The following LRRIQ1 variants were observed in gnomAD, a reference collection of about 807,000 sequenced individuals.
The protein encoded by LRRIQ1 is leucine-rich repeat- and IQ domain-containing protein 1.
Under a neutral mutation model 211.9 loss-of-function variants are expected in LRRIQ1, and 210 were observed. That is an observed-to-expected ratio of 0.99 (90% CI 0.89 to 1.11). LRRIQ1 has a LOEUF of 1.11. LRRIQ1 is among the 50% of genes most tolerant of loss of function. LRRIQ1 has a pLI of 0.00. For synonymous variants in LRRIQ1, 699 were observed against 650.1 expected, an observed-to-expected ratio of 1.08 and a Z score of -1.14; for missense variants, 2,136 against 1,939.5, an observed-to-expected ratio of 1.10 and a Z score of -1.90.
intron 24 of LRRIQ1, among the ~76,000 whole-genome samples, chr12:85,189,904 CTG>C (rs984132268): frequency 7.1e-6 from 1 of 141,518 alleles, no homozygotes; most frequent in African/African-American, 2.6e-5. Flanking sequence ...TATATTATAT[CTG>C]TAACTACAGT....
At chr12:85,212,828 A>G (rs569058380) in intron 24 of LRRIQ1, among the ~76,000 whole-genome samples, 384 of 150,370 alleles carry the variant, frequency 2.6e-3, no homozygotes, top group African/African-American at 9.0e-3. Flanking sequence ...AGAGAGAGAG[A>G]GGGTTCTAGG....
chr12:85,141,200 C>T (rs926630486), intron 19 of LRRIQ1, among the ~76,000 whole-genome samples: 1 of 151,186 alleles, frequency 6.6e-6, no homozygotes, highest in Non-Finnish European at 1.5e-5. Context: ...TGAAATGTTT[C>T]ATGTGAACAT....
At chr12:85,219,964 C>T (rs1422902914) in intron 24 of LRRIQ1, among the ~76,000 whole-genome samples, 1 of 152,086 alleles carries the variant, frequency 6.6e-6, no homozygotes, top group Non-Finnish European at 1.5e-5. Context: ...GTTAGTGTAA[C>T]ATTTATGCCA....
chr12:85,131,044 C>G (rs149307601), intron 18 of LRRIQ1, among the ~76,000 whole-genome samples: 1 of 122,034 alleles, frequency 8.2e-6, no homozygotes, highest in East Asian at 2.1e-4. Flanking sequence ...ACCTTCATCT[C>G]TACTAAAAAA....
chr12:85,120,583 A>T (rs1356504822), intron 15 of LRRIQ1, among the ~76,000 whole-genome samples: 1 of 152,202 alleles, frequency 6.6e-6, no homozygotes, highest in Non-Finnish European at 1.5e-5. Context: ...TATAATTTTG[A>T]TTGGCAGTGA....
chr12:85,226,639 T>C (rs576385500), intron 24 of LRRIQ1, among the ~76,000 whole-genome samples: 1 of 150,176 alleles, frequency 6.7e-6, no homozygotes, highest in East Asian at 2.0e-4. Context: ...CATTAACTCG[T>C]CATTTACATT....
intron 1 of LRRIQ1, among the ~76,000 whole-genome samples, chr12:85,261,498 A>G (rs544770720): frequency 2.0e-5 from 3 of 152,014 alleles, no homozygotes; most frequent in South Asian, 4.1e-4. Context: ...TTGAATTTAT[A>G]TTTTTTAAAT....
In LRRIQ1 at chr12:85,157,142, G is replaced by A. The variant is rs185962576; in HGVS notation, c.4720+3048G>A. Among the ~76,000 whole-genome samples, 23 of 152,002 alleles carry A rather than the reference G, an allele frequency of 1.5e-4. No individual in the cohort carries two copies. The East Asian group carries it at 3.7e-3, about 24-fold the overall frequency. ...AAAGTAGAATGTAATGGAATCAGTT[G>A]CAGAGAGAGGGAAGAATATGAGGAA... On this transcript the variant is annotated intron_variant, in intron 23 of 26. Coordinates refer to ENST00000393217, the MANE Select transcript of LRRIQ1 (RefSeq NM_001079910.2).
chr12:85,056,700 A>T lies in LRRIQ1; in HGVS notation c.1907A>T (p.Tyr636Phe), dbSNP rs1031204431. 1 of 1,607,266 alleles carries T rather than the reference A, an allele frequency of 6.2e-7. No individual in the cohort carries two copies. Residue 636 changes from tyrosine (Y) to phenylalanine (F), a missense_variant, in exon 8 of 27, where the codon TAT (tyrosine) becomes TTT (phenylalanine). Transcript: ENST00000393217. ...ENVILQEKEIYSKSKEIEENP... is the reference protein window; with the variant it reads ...ENVILQEKEIFSKSKEIEENP... ...GTAATATTACAAGAAAAAGAAATTT[A>T]TTCAAAATCCAAAGAAATTGAGGAG...
chr12:85,271,242 C>G, the LRRIQ1 span, among the ~76,000 whole-genome samples: 3 of 152,234 alleles, frequency 2.0e-5, no homozygotes, highest in Admixed American at 6.5e-5. Context: ...ACAGGTTTAA[C>G]CCTGTAACAC....
chr12:85,245,000 G>A lies in LRRIQ1; in HGVS notation c.*59G>A, dbSNP rs563890888. On this transcript the variant is annotated 3_prime_UTR_variant, in exon 27 of 27. Transcript: ENST00000393217. Reference sequence around the variant, plus strand: ...ACAAGCATTCTTTTTCAGATAGGGGGTAGGATGCCAGCAACCTGAACTGCC... The same window carrying A: ...ACAAGCATTCTTTTTCAGATAGGGGATAGGATGCCAGCAACCTGAACTGCC... The A allele has an allele frequency of 1.3e-6, 2 of 1,580,158 alleles. No individual in the cohort carries two copies. The highest frequency in any genetic ancestry group is 2.3e-5 in the East Asian group (1 of 43,212).
chr12:85,267,604 C>T (rs986049589), downstream of LRRIQ1, among the ~76,000 whole-genome samples: 2 of 151,978 alleles, frequency 1.3e-5, no homozygotes, highest in Non-Finnish European at 2.9e-5. Context: ...TGGAAAATTA[C>T]AAGGAGACTT....
chr12:85,088,940 TC>T (rs1376075275), intron 11 of LRRIQ1, among the ~76,000 whole-genome samples: 4 of 152,152 alleles, frequency 2.6e-5, no homozygotes, highest in Admixed American at 2.6e-4. Context: ...ATTTCTTTCT[TC>T]TGCCTGATTG....
In LRRIQ1 at chr12:85,098,948, T is replaced by C; in HGVS notation, c.3163T>C (p.Ser1055Pro). The change falls in exon 13 of 27, where the codon TCA becomes CCA. Residue 1055 changes from serine to proline, a missense_variant. Coordinates refer to ENST00000393217, the MANE Select transcript of LRRIQ1 (RefSeq NM_001079910.2). ...CATTTCAACTGTGGAAGCATTTTCT[T>C]CATACTGGCTGCCTTTACTACAAAA... is the stretch of plus-strand genomic sequence containing the variant. ...NSISTVEAFS[S>P]YWLPLLQNIT... 1 of 1,575,418 alleles carries C rather than the reference T, an allele frequency of 6.3e-7. No homozygotes were observed. Among genetic ancestry groups the C allele is most frequent in the Non-Finnish European group, 8.6e-7 (1 of 1,158,066 alleles).
Position 85,198,759 on chromosome 12 carries a change from G to A in LRRIQ1, c.4823-30758G>A, listed in dbSNP as rs540497716. Among the ~76,000 whole-genome samples the A allele has an allele frequency of 1.4e-4, 21 of 152,086 alleles. No homozygotes were observed. The East Asian group carries it at 3.5e-3, about 25-fold the overall frequency. On this transcript the variant is annotated intron_variant, in intron 24 of 26. Coordinates refer to ENST00000393217, the MANE Select transcript of LRRIQ1 (RefSeq NM_001079910.2). Reference sequence around the variant, plus strand: ...ATTTTTTTGTATTTTTAGTAGAGACGGGGTTCCACCATGTTAGCCAGAATG... The same window carrying A: ...ATTTTTTTGTATTTTTAGTAGAGACAGGGTTCCACCATGTTAGCCAGAATG...
chr12:85,149,226 A>G (rs905366908), intron 19 of LRRIQ1, among the ~76,000 whole-genome samples: 1 of 152,026 alleles, frequency 6.6e-6, no homozygotes, highest in Non-Finnish European at 1.5e-5. Context: ...GTCTTTGCCT[A>G]TGCCTGTGTC....
chr12:85,169,577 C>A (rs973292928), intron 24 of LRRIQ1, among the ~76,000 whole-genome samples: 6 of 152,038 alleles, frequency 3.9e-5, no homozygotes, highest in African/African-American at 1.4e-4. Context: ...CGTATTTCAT[C>A]CTCTTTCTGC....
In LRRIQ1 at chr12:85,153,083, A is replaced by G; in HGVS notation, c.4479A>G (p.Gln1493=). Residue 1493 remains glutamine (Q), a synonymous_variant, in exon 21 of 27, where the codon CAA becomes CAG. Transcript: ENST00000393217. Reference sequence around the variant, plus strand: ...TTAATTTACCAAGTAATCCAGCTCAAGCATGGTTATGTAATGACAAAGAAA... The same window carrying G: ...TTAATTTACCAAGTAATCCAGCTCAGGCATGGTTATGTAATGACAAAGAAA... ...TSFNLPSNPA[Q]AWLCNDKENL... The G allele has an allele frequency of 1.3e-6, 2 of 1,588,358 alleles. No homozygotes were observed. Among genetic ancestry groups the G allele is most frequent in the Non-Finnish European group, 1.7e-6 (2 of 1,163,446 alleles).
rs1891474926 is a variant in LRRIQ1, at chr12:85,172,679, A to C, written c.4822+11965A>C. On this transcript the variant is annotated intron_variant, in intron 24 of 26. Transcript: ENST00000393217. Reference sequence around the variant, plus strand: ...ACAGCAATAGAACTTTTTAGGCTAGAAAGTAAATATGTGAGTAATAATGAG... The same window carrying C: ...ACAGCAATAGAACTTTTTAGGCTAGCAAGTAAATATGTGAGTAATAATGAG... Among the ~76,000 whole-genome samples, 2 of 152,202 alleles carry C rather than the reference A, an allele frequency of 1.3e-5. 1 individual carries two copies. Among genetic ancestry groups the C allele is most frequent in the East Asian group, 3.9e-4 (2 of 5,186 alleles).
Sources: allele counts gnomAD v4.1 joint callset (sites outside exome capture counted in the v4.1 genomes callset), GRCh38; gene constraint gnomAD v4.1.1; transcripts MANE v1.5; gene names NCBI Gene and HGNC (gene_info 2026-07-23, HGNC 2026-07-21).